DOK5: variants seen among roughly 807,000 people sequenced by gnomAD.
The protein encoded by DOK5 is docking protein 5, also known as downstream of tyrosine kinase 5.
A neutral mutation model predicts 43.3 loss-of-function variants in DOK5; 27 were observed. The observed-to-expected ratio is 0.62, with a 90% CI of 0.46 to 0.86. The LOEUF (loss-of-function observed/expected upper bound fraction) is 0.86. Among genes scored for constraint, DOK5 ranks in the 40% least tolerant of loss-of-function variants. The pLI, the probability that DOK5 is intolerant of heterozygous loss-of-function variation, is 0.00. For missense variants in DOK5, 373 were observed against 392.9 expected, an observed-to-expected ratio of 0.95 and a Z score of 0.43; for synonymous variants, 146 against 140.1, an observed-to-expected ratio of 1.04 and a Z score of -0.30.
chr20:54,502,098 G>A (rs990722552), intron 1 of DOK5, among the ~76,000 whole-genome samples: 1 of 152,234 alleles, frequency 6.6e-6, no homozygotes, highest in African/African-American at 2.4e-5. Context: ...TGTACTGACA[G>A]AACGTGCATC....
chr20:54,507,242 A>G (rs1041239230), intron 1 of DOK5, among the ~76,000 whole-genome samples: 1 of 152,190 alleles, frequency 6.6e-6, no homozygotes, highest in Non-Finnish European at 1.5e-5. Flanking sequence ...AGGTCGAGGT[A>G]ATAACTACAT....
intron 1 of DOK5, among the ~76,000 whole-genome samples, chr20:54,506,564 G>C (rs917986854): frequency 6.6e-6 from 1 of 152,146 alleles, no homozygotes; most frequent in Non-Finnish European, 1.5e-5. Flanking sequence ...GGGTTCTAGC[G>C]ATCTCCCACG....
At chr20:54,612,578 AG>A (rs138077759) in intron 6 of DOK5, among the ~76,000 whole-genome samples, 1 of 152,178 alleles carries the variant, frequency 6.6e-6, no homozygotes, top group Admixed American at 6.5e-5. Flanking sequence ...ATAGAACAAA[AG>A]GAGGGTAAGA....
chr20:54,644,699 C>T (rs1443376387), intron 7 of DOK5, among the ~76,000 whole-genome samples: 2 of 107,416 alleles, frequency 1.9e-5, no homozygotes, highest in Non-Finnish European at 3.5e-5. Context: ...GAGAGAGACT[C>T]CGTCTCAAAA....
At chr20:54,529,135 G>A (rs573330534) in intron 1 of DOK5, among the ~76,000 whole-genome samples, 1 of 152,244 alleles carries the variant, frequency 6.6e-6, no homozygotes, top group East Asian at 1.9e-4. Flanking sequence ...CAGTTCTAAT[G>A]ACAAATGCTA....
chr20:54,492,686 T>TGTGTG (rs1982231485), intron 1 of DOK5, among the ~76,000 whole-genome samples: 3 of 141,094 alleles, frequency 2.1e-5, no homozygotes, highest in African/African-American at 7.8e-5. Flanking sequence ...GAGTGTGGCT[T>TGTGTG]TGTGTGTGTG....
chr20:54,548,229 T>TTTTATTTATTTA (rs10694715), intron 1 of DOK5, among the ~76,000 whole-genome samples: 2,183 of 149,420 alleles, frequency 0.015, 63 homozygotes, highest in African/African-American at 0.052. Flanking sequence ...ATTACCTATC[T>TTTTATTTATTTA]TTTATTTATT....
At chr20:54,549,769 T>TA (rs1394124453) in intron 1 of DOK5, among the ~76,000 whole-genome samples, 1 of 152,202 alleles carries the variant, frequency 6.6e-6, no homozygotes, top group African/African-American at 2.4e-5. Context: ...TTGGTGAAGA[T>TA]ATTTTTTCTT....
At chr20:54,595,075 C>T (rs951778203) in intron 5 of DOK5, among the ~76,000 whole-genome samples, 1 of 152,114 alleles carries the variant, frequency 6.6e-6, no homozygotes, top group Non-Finnish European at 1.5e-5. Context: ...GGCGTGGTGG[C>T]TCATGCCTGT....
intron 6 of DOK5, among the ~76,000 whole-genome samples, chr20:54,637,804 G>A (rs371432859): frequency 6.6e-6 from 1 of 152,192 alleles, no homozygotes; most frequent in East Asian, 1.9e-4. Flanking sequence ...CTAGGTGCTG[G>A]GAATAGGATA....
chr20:54,492,581 C>T (rs1261794354), intron 1 of DOK5, among the ~76,000 whole-genome samples: 1 of 150,666 alleles, frequency 6.6e-6, no homozygotes, highest in African/African-American at 2.5e-5. Context: ...AAGAGTTACT[C>T]TTACACAGTT....
intron 2 of DOK5, among the ~76,000 whole-genome samples, chr20:54,556,485 C>T (rs1195694976): frequency 6.6e-6 from 1 of 152,200 alleles, no homozygotes; most frequent in Non-Finnish European, 1.5e-5. Flanking sequence ...ACTTTTATAA[C>T]ACTCTAAACT....
At chr20:54,515,964 G>C (rs1057256872) in intron 1 of DOK5, among the ~76,000 whole-genome samples, 3 of 152,192 alleles carry the variant, frequency 2.0e-5, no homozygotes, top group African/African-American at 7.2e-5. Context: ...TCCCTGATTC[G>C]ATCCATCTCT....
rs1047299952 is a variant in DOK5 at position 54,614,060 on chromosome 20, T to C, written c.735+3537T>C. Among the ~76,000 whole-genome samples the C allele has an allele frequency of 6.0e-5, 9 of 150,362 alleles. 1 individual carries two copies. The highest frequency in any genetic ancestry group is 1.3e-4 in the Non-Finnish European group (9 of 67,700). Reference sequence around the variant, plus strand: ...TATATATGGTTATATATATTTATATTTGAGTTTATATGTATACATAAAACA... The same window carrying C: ...TATATATGGTTATATATATTTATATCTGAGTTTATATGTATACATAAAACA... On this transcript the variant is annotated intron_variant, in intron 6 of 7. Transcript: ENST00000262593.
At chr20:54,642,744 AAACAG>A (rs1381874735) in intron 6 of DOK5, among the ~76,000 whole-genome samples, 1 of 151,952 alleles carries the variant, frequency 6.6e-6, no homozygotes, top group Non-Finnish European at 1.5e-5. Context: ...AAACAAAACA[AAACAG>A]AAAAACCCCA....
rs117881631 is a variant in DOK5 at position 54,596,217 on chromosome 20, A to G, written c.599+4412A>G. Among the ~76,000 whole-genome samples, 602 of 152,344 alleles carry G rather than the reference A, an allele frequency of 4.0e-3. 3 individuals are homozygous for G. Among genetic ancestry groups the G allele is most frequent in the Non-Finnish European group, 4.4e-3 (301 of 68,036 alleles). On this transcript the variant is annotated intron_variant, in intron 5 of 7. Coordinates refer to ENST00000262593, the MANE Select transcript of DOK5 (RefSeq NM_018431.5). ...TGTCTGCCTTGCTTTATTAGTGAAG[A>G]TAAGTTTTTTCCTTGGCTATTTTTG...
chr20:54,517,244 C>T (rs905687600), intron 1 of DOK5, among the ~76,000 whole-genome samples: 2 of 152,158 alleles, frequency 1.3e-5, no homozygotes, highest in Non-Finnish European at 2.9e-5. Context: ...TTTGGGTTAG[C>T]TTAGCTTCAT....
chr20:54,627,724 C>T (rs568964125), intron 6 of DOK5, among the ~76,000 whole-genome samples: 15 of 152,272 alleles, frequency 9.9e-5, no homozygotes, highest in African/African-American at 3.1e-4. Context: ...CCACAGATTT[C>T]GGGGTTCCAC....
chr20:54,537,381 C>A (rs142092935), intron 1 of DOK5, among the ~76,000 whole-genome samples: 181 of 152,212 alleles, frequency 1.2e-3, no homozygotes, highest in Non-Finnish European at 1.6e-3. Flanking sequence ...AATGCCAACA[C>A]AGAGGTGATA....
Sources: allele counts gnomAD v4.1 joint callset (sites outside exome capture counted in the v4.1 genomes callset), GRCh38; gene constraint gnomAD v4.1.1; transcripts MANE v1.5; gene names NCBI Gene and HGNC (gene_info 2026-07-23, HGNC 2026-07-21).